The following SORCS2 variants were observed in gnomAD, a reference collection of about 807,000 sequenced individuals.
SORCS2 encodes VPS10 domain-containing receptor SorCS2.
Under a neutral mutation model 141.6 loss-of-function variants are expected in SORCS2, and 100 were observed. The observed-to-expected ratio is 0.71, with a 90% confidence interval of 0.60 to 0.83. The LOEUF is 0.83. Ranked by LOEUF, SORCS2 falls within the 40% of genes least tolerant of loss-of-function variation. The pLI is 0.00. For synonymous variants in SORCS2, 789 were observed against 676.9 expected, an observed-to-expected ratio of 1.17 and a Z score of -2.57; for missense variants, 1,646 against 1,560.2, an observed-to-expected ratio of 1.05 and a Z score of -0.93.
At chr4:7,235,389 C>G (rs148930411) in intron 1 of SORCS2, among the ~76,000 whole-genome samples, 19 of 152,358 alleles carry the variant, frequency 1.2e-4, no homozygotes, top group African/African-American at 4.3e-4. Flanking sequence ...CCCTCATTTT[C>G]TAGAGCAAGA....
chr4:7,285,135 C>T (rs1351493192), intron 1 of SORCS2, among the ~76,000 whole-genome samples: 4 of 151,798 alleles, frequency 2.6e-5, no homozygotes, highest in Non-Finnish European at 4.4e-5. Flanking sequence ...TGGGTTCAAA[C>T]GATTCTCGTG....
At chr4:7,673,413 G>T (rs915802788) in intron 8 of SORCS2, among the ~76,000 whole-genome samples, 1 of 152,192 alleles carries the variant, frequency 6.6e-6, no homozygotes. Context: ...CGGTTTCCCC[G>T]TAGGGAAGCA....
chr4:7,685,323 C>T (rs556942057), intron 10 of SORCS2, among the ~76,000 whole-genome samples: 17 of 152,154 alleles, frequency 1.1e-4, no homozygotes, highest in East Asian at 5.8e-4. Context: ...CGACTGGGCA[C>T]GGGGAAATGC....
In SORCS2 at chr4:7,676,117, A is replaced by C. The variant is rs1360789709; in HGVS notation, c.1229A>C (p.Asp410Ala). Residue 410 changes from aspartate (D) to alanine (A), a missense_variant, in exon 9 of 27, where the codon GAC becomes GCC. Transcript: ENST00000507866. The part of the protein sequence containing the change: ...FVAVQEWYQM[D>A]TYNLYQSDPR... ...GCGGTGCAGGAGTGGTACCAGATGGACACCTACAACCTGTACCAGTCGGAC... is the reference window on the plus strand; with the variant it reads ...GCGGTGCAGGAGTGGTACCAGATGGCCACCTACAACCTGTACCAGTCGGAC... The C allele has an allele frequency of 1.9e-6, 3 of 1,584,544 alleles. No individual in the cohort carries two copies. In the South Asian group the frequency reaches 3.5e-5, roughly 18 times the overall value.
intron 2 of SORCS2, among the ~76,000 whole-genome samples, chr4:7,472,696 G>C (rs1389308253): frequency 6.6e-6 from 1 of 152,166 alleles, no homozygotes; most frequent in Non-Finnish European, 1.5e-5. Context: ...AGGGGATCTG[G>C]TCACATCCCG....
chr4:7,240,823 G>A (rs1712643026), intron 1 of SORCS2, among the ~76,000 whole-genome samples: 1 of 152,204 alleles, frequency 6.6e-6, no homozygotes, highest in Non-Finnish European at 1.5e-5. Context: ...TAGGGCTGGT[G>A]GCTGAAGTCG....
intron 4 of SORCS2, among the ~76,000 whole-genome samples, chr4:7,644,156 G>A (rs559752806): frequency 7.2e-5 from 11 of 152,314 alleles, no homozygotes; most frequent in Admixed American, 6.5e-4. Context: ...CCTCCTGAAA[G>A]CCTGCAGTGT....
intron 25 of SORCS2, chr4:7,735,381 C>T (rs555023087): frequency 6.2e-4 from 96 of 154,604 alleles, no homozygotes; most frequent in Non-Finnish European, 1.2e-3. Context: ...TTATGCACTG[C>T]GGGTCTTTTG....
chr4:7,281,211 G>T (rs1320845762), intron 1 of SORCS2, among the ~76,000 whole-genome samples: 1 of 151,984 alleles, frequency 6.6e-6, no homozygotes, highest in Non-Finnish European at 1.5e-5. Context: ...GCAGAGCATG[G>T]GGTCACTCTT....
intron 2 of SORCS2, among the ~76,000 whole-genome samples, chr4:7,406,591 C>T (rs1189962993): frequency 6.6e-6 from 1 of 151,502 alleles, no homozygotes; most frequent in African/African-American, 2.4e-5. Flanking sequence ...GTCTCTTTTT[C>T]ATTTCTGATT....
At chr4:7,243,392 C>G (rs935503085) in intron 1 of SORCS2, among the ~76,000 whole-genome samples, 2 of 152,096 alleles carry the variant, frequency 1.3e-5, no homozygotes, top group Non-Finnish European at 2.9e-5. Flanking sequence ...AAGACCACCC[C>G]TAGGAGTGGT....
At chr4:7,253,855 G>A (rs1713668064) in intron 1 of SORCS2, among the ~76,000 whole-genome samples, 1 of 152,248 alleles carries the variant, frequency 6.6e-6, no homozygotes, top group African/African-American at 2.4e-5. Context: ...CCTGCAGCTA[G>A]GTGCTGGTTC....
chr4:7,317,233 G>C (rs1182154468), intron 1 of SORCS2, among the ~76,000 whole-genome samples: 2 of 152,316 alleles, frequency 1.3e-5, no homozygotes, highest in East Asian at 3.9e-4. Flanking sequence ...ATCATACAGA[G>C]TGCTGGGGGC....
At chr4:7,656,007 A>G (rs1264541866) in intron 5 of SORCS2, among the ~76,000 whole-genome samples, 1 of 152,218 alleles carries the variant, frequency 6.6e-6, no homozygotes, top group Non-Finnish European at 1.5e-5. Flanking sequence ...GACACTGACC[A>G]CCACGGCCCC....
At chr4:7,196,468 C>A (rs1018489941) in intron 1 of SORCS2, among the ~76,000 whole-genome samples, 2 of 152,156 alleles carry the variant, frequency 1.3e-5, no homozygotes, top group Admixed American at 1.3e-4. Context: ...GCACAGCTCA[C>A]CTGGGCTCCT....
At chr4:7,434,238 C>T (rs754420996) in intron 2 of SORCS2, 1 of 1,613,592 alleles carries the variant, frequency 6.2e-7, no homozygotes, top group Non-Finnish European at 8.5e-7. Context: ...GCCCCAAGGA[C>T]TCACACTGCT....
chr4:7,390,629 A>C (rs1037271554), intron 1 of SORCS2, among the ~76,000 whole-genome samples: 1 of 152,204 alleles, frequency 6.6e-6, no homozygotes. Context: ...GCCCCACTGC[A>C]CAAGAGCAGA....
In SORCS2 at chr4:7,385,649, G is replaced by A. The variant is rs189778776; in HGVS notation, c.481-10639G>A. ...CATTGGGAAGCAAAGCTGGGCCTGG[G>A]TGAGGGTGACCCTCCTGAGAGGTGG... On this transcript the variant is annotated intron_variant, in intron 1 of 26. Coordinates refer to ENST00000507866, the MANE Select transcript of SORCS2 (RefSeq NM_020777.3). 1.4e-4 allele frequency among the ~76,000 whole-genome samples: 21 copies of A among 152,306 alleles called. No homozygotes were observed. In the East Asian group the frequency reaches 3.9e-3, roughly 28 times the overall value.
At chr4:7,308,704 G>A (rs1219488463) in intron 1 of SORCS2, among the ~76,000 whole-genome samples, 1 of 151,348 alleles carries the variant, frequency 6.6e-6, no homozygotes, top group African/African-American at 2.4e-5. Context: ...CTTCCCACCA[G>A]CACCCTGTCC....
Sources: allele counts gnomAD v4.1 joint callset (sites outside exome capture counted in the v4.1 genomes callset), GRCh38; gene constraint gnomAD v4.1.1; transcripts MANE v1.5; gene names NCBI Gene and HGNC (gene_info 2026-07-23, HGNC 2026-07-21).